OR1E2: variants seen among roughly 807,000 people sequenced by gnomAD.
The protein encoded by OR1E2 is olfactory receptor family 1 subfamily E member 2, also known as olfactory receptor 1E2.
Under a neutral mutation model 5.6 loss-of-function variants are expected in OR1E2, and 6 were observed. That is an observed-to-expected ratio of 1.08 (90% CI 0.59 to 2.12). The LOEUF is 2.12. Among genes scored for constraint, OR1E2 ranks in the 30% most tolerant of loss-of-function variants. The pLI, the probability that OR1E2 is intolerant of heterozygous loss-of-function variation, is 0.00. For missense variants in OR1E2, 344 were observed against 391.4 expected, an observed-to-expected ratio of 0.88 and a Z score of 1.02; for synonymous variants, 135 against 157.4, an observed-to-expected ratio of 0.86 and a Z score of 1.06.
rs1436673112 is a variant in OR1E2, at chr17:3,432,913, A to T, written c.929T>A (p.Leu310Gln). 6.2e-7 allele frequency: 1 copy of T among 1,613,126 alleles called. No homozygotes were observed. Among genetic ancestry groups the T allele is most frequent in the African/African-American group, 1.3e-5 (1 of 74,890 alleles). The change falls in exon 1 of 1, where the codon CTG becomes CAG. Residue 310 changes from leucine to glutamine, a missense_variant. Transcript: ENST00000248384. ...TTTCCTTTTACAAATGACCCTTTCC[A>T]GGGCTCCCTTCATGTCTCTGTTCCT... The part of the protein sequence containing the change: ...SLRNRDMKGA[L>Q]ERVICKRKNP...
chr17:3,433,257 C>A lies in OR1E2; in HGVS notation c.585G>T (p.Lys195Asn). The A allele has an allele frequency of 6.2e-7, 1 of 1,614,068 alleles. No homozygotes were observed. The highest frequency in any genetic ancestry group is 2.2e-5 in the East Asian group (1 of 44,882). Residue 195 changes from lysine (K) to asparagine (N), a missense_variant, in exon 1 of 1, where the codon AAG becomes AAT. Physicochemically the swap from Lys to Asn is moderately conservative, Grantham distance 94 (BLOSUM62 0). Coordinates refer to ENST00000248384, the MANE Select transcript of OR1E2 (RefSeq NM_003554.2). ...HFFCDMSALL[K>N]LACSDTRVNE... ...TAACTCGAGTGTCAGAGCAGGCCAG[C>A]TTCAGCAGAGCAGACATATCACAGA... is the stretch of plus-strand genomic sequence containing the variant.
rs769965420 is a variant in OR1E2, at chr17:3,432,893, T to C, written c.949A>G (p.Arg317Gly). The C allele has an allele frequency of 3.6e-5, 58 of 1,609,868 alleles. No individual in the cohort carries two copies. Among genetic ancestry groups the C allele is most frequent in the Non-Finnish European group, 4.8e-5 (56 of 1,178,396 alleles). Residue 317 changes from arginine (R) to glycine (G), a missense_variant, in exon 1 of 1, where the codon AGG becomes GGG. Transcript: ENST00000248384. Reference sequence around the variant, plus strand: ...TGTCATAGAAGGAAGGGATTTTTCCTTTTACAAATGACCCTTTCCAGGGCT... The same window carrying C: ...TGTCATAGAAGGAAGGGATTTTTCCCTTTACAAATGACCCTTTCCAGGGCT... ...KGALERVICK[R>G]KNPFLL
rs563360972 is a variant in OR1E2, at chr17:3,433,697, T to G, written c.145A>C (p.Ile49Leu). 1.2e-6 allele frequency: 2 copies of G among 1,614,056 alleles called. No homozygotes were observed. The highest frequency in any genetic ancestry group is 1.7e-6 in the Non-Finnish European group (2 of 1,180,000). Residue 49 changes from isoleucine to leucine, a missense_variant, in exon 1 of 1, where the codon ATT becomes CTT. Coordinates refer to ENST00000248384, the MANE Select transcript of OR1E2 (RefSeq NM_003554.2). ...GTGTGGAGATGGGAGTCCAGTCGAA[T>G]GAGGACAATGATGAGGAGGTTCCCC... ...LLGNLLIIVLIRLDSHLHTPV... is the reference protein window; with the variant it reads ...LLGNLLIIVLLRLDSHLHTPV...
chr17:3,433,389 G>A lies in OR1E2; in HGVS notation c.453C>T (p.Leu151=), dbSNP rs778602116. ...YTAIMSPMLC[L]SVVALSWVLT... ...GCACCCAGGACAGCGCCACCACGGAGAGACAGAGCATGGGGCTCATGATGG... is the reference window on the plus strand; with the variant it reads ...GCACCCAGGACAGCGCCACCACGGAAAGACAGAGCATGGGGCTCATGATGG... Residue 151 remains leucine, a synonymous_variant, in exon 1 of 1, where the codon CTC becomes CTT. Coordinates refer to ENST00000248384, the MANE Select transcript of OR1E2 (RefSeq NM_003554.2). 3.1e-6 allele frequency: 5 copies of A among 1,614,068 alleles called. No homozygotes were observed. In the African/African-American group the frequency reaches 6.7e-5, roughly 22 times the overall value.
Position 3,432,914 on chromosome 17 carries a change from G to C in OR1E2, c.928C>G (p.Leu310Val). Residue 310 changes from leucine to valine, a missense_variant, in exon 1 of 1, where the codon CTG becomes GTG. Coordinates refer to ENST00000248384, the MANE Select transcript of OR1E2 (RefSeq NM_003554.2). Reference sequence around the variant, plus strand: ...TTCCTTTTACAAATGACCCTTTCCAGGGCTCCCTTCATGTCTCTGTTCCTC... The same window carrying C: ...TTCCTTTTACAAATGACCCTTTCCACGGCTCCCTTCATGTCTCTGTTCCTC... ...SLRNRDMKGA[L>V]ERVICKRKNP... 6.2e-7 allele frequency: 1 copy of C among 1,613,218 alleles called. No homozygotes were observed. Among genetic ancestry groups the C allele is most frequent in the Non-Finnish European group, 8.5e-7 (1 of 1,179,608 alleles).
Position 3,433,077 on chromosome 17 carries a change from A to G in OR1E2, c.765T>C (p.Ser255=). 6.2e-7 allele frequency: 1 copy of G among 1,613,878 alleles called. No individual in the cohort carries two copies. Among genetic ancestry groups the G allele is most frequent in the East Asian group, 2.2e-5 (1 of 44,858 alleles). Residue 255 remains serine (S), a synonymous_variant, in exon 1 of 1, where the codon TCT becomes TCC. Coordinates refer to ENST00000248384, the MANE Select transcript of OR1E2 (RefSeq NM_003554.2). ...CGGTCCCATAGAACAGTGACACCAC[A>G]GAGAGGTGGGAGCCACAAGTAGAGA... The part of the protein sequence containing the change: ...KAFSTCGSHL[S]VVSLFYGTVI...
chr17:3,433,524 A>T lies in OR1E2; in HGVS notation c.318T>A (p.Tyr106Ter). 4 of 1,614,188 alleles carry T rather than the reference A, an allele frequency of 2.5e-6. No homozygotes were observed. The highest frequency in any genetic ancestry group is 3.4e-6 in the Non-Finnish European group (4 of 1,180,042). ...GGAGGAAGCTCTCTAGATCCGAAAA[A>T]TACAAGAAGAAGTACATTTGGGTCA... ...DCLTQMYFFL[Y>*]FSDLESFLLV... The change falls in exon 1 of 1, where the codon TAT (tyrosine) becomes TAA (stop). Residue 106 changes from tyrosine to a stop codon, truncating the protein, a stop_gained. Transcript: ENST00000248384. LOFTEE classifies it high-confidence loss of function.
In OR1E2 at chr17:3,433,644, C is replaced by A. The variant is rs766229815; in HGVS notation, c.198G>T (p.Leu66Phe). The change falls in exon 1 of 1, where the codon TTG becomes TTT. Residue 66 changes from leucine to phenylalanine, a missense_variant. By Grantham distance (22) the Leu-to-Phe change is conservative. Coordinates refer to ENST00000248384, the MANE Select transcript of OR1E2 (RefSeq NM_003554.2). ...AGGAAAAGCAGAGGTCAGAGAAGGA[C>A]AAGTTGCTGAGAAACAAATACACAG... Reference protein sequence around the residue: ...HTPVYLFLSNLSFSDLCFSSV... With the variant: ...HTPVYLFLSNFSFSDLCFSSV... 6.2e-7 allele frequency: 1 copy of A among 1,614,164 alleles called. No individual in the cohort carries two copies. The highest frequency in any genetic ancestry group is 8.5e-7 in the Non-Finnish European group (1 of 1,180,040).
rs776209078 is a variant in OR1E2, at chr17:3,433,349, C to T, written c.493G>A (p.Ala165Thr). ...GCCATGAGTAAAGTGTGTAACATGG[C>T]ATGGAAGGTGGTCAGCACCCAGGAC... Reference protein sequence around the residue: ...ALSWVLTTFHAMLHTLLMARL... With the variant: ...ALSWVLTTFHTMLHTLLMARL... Residue 165 changes from alanine (A) to threonine (T), a missense_variant, in exon 1 of 1, where the codon GCC (alanine) becomes ACC (threonine). By Grantham distance (58) the Ala-to-Thr change is moderately conservative. Transcript: ENST00000248384. 9 of 1,613,978 alleles carry T rather than the reference C, an allele frequency of 5.6e-6. No homozygotes were observed. The highest frequency in any genetic ancestry group is 2.7e-5 in the African/African-American group (2 of 74,874).
chr17:3,433,129 G>C lies in OR1E2; in HGVS notation c.713C>G (p.Pro238Arg). ...ARIVSSILKV[P>R]SSKGICKAFS... Reference sequence around the variant, plus strand: ...GGCCTTGCAGATACCCTTAGAAGAAGGGACCTTGAGGATGGAGGAGACAAT... The same window carrying C: ...GGCCTTGCAGATACCCTTAGAAGAACGGACCTTGAGGATGGAGGAGACAAT... The change falls in exon 1 of 1, where the codon CCT (proline) becomes CGT (arginine). Residue 238 changes from proline to arginine, a missense_variant. Coordinates refer to ENST00000248384, the MANE Select transcript of OR1E2 (RefSeq NM_003554.2). 6.2e-7 allele frequency: 1 copy of C among 1,613,888 alleles called. No homozygotes were observed. The highest frequency in any genetic ancestry group is 8.5e-7 in the Non-Finnish European group (1 of 1,179,870).
In OR1E2 at chr17:3,432,999, A is replaced by C; in HGVS notation, c.843T>G (p.Thr281=). Residue 281 remains threonine (T), a synonymous_variant, in exon 1 of 1, where the codon ACT becomes ACG. Coordinates refer to ENST00000248384, the MANE Select transcript of OR1E2 (RefSeq NM_003554.2). ...CCACAGTGTACATCATAGCCATGAC[A>C]GTGTCCTTTAGAGTAGAACTATTAG... is the stretch of plus-strand genomic sequence containing the variant. ...PSANSSTLKD[T]VMAMMYTVVT... The C allele has an allele frequency of 1.9e-6, 3 of 1,614,086 alleles. No homozygotes were observed. Among genetic ancestry groups the C allele is most frequent in the Non-Finnish European group, 2.5e-6 (3 of 1,179,992 alleles).
rs1274880982 is a variant in OR1E2 at position 3,433,176 on chromosome 17, G to C, written c.666C>G (p.Leu222=). The change falls in exon 1 of 1, where the codon CTC becomes CTG. Residue 222 remains leucine (L), a synonymous_variant. Transcript: ENST00000248384. ...GGLILVIPFL[L]ILGSYARIVS... is the part of the protein sequence containing the mutation. ...CAATTCTTGCATAGGACCCAAGGAT[G>C]AGTAGGAATGGGATGACAAGAATGA... 4 of 1,613,958 alleles carry C rather than the reference G, an allele frequency of 2.5e-6. No individual in the cohort carries two copies. In the East Asian group the frequency reaches 8.9e-5, roughly 36 times the overall value.
At position 3,433,689 on chromosome 17, in the gene OR1E2, C is replaced by T; in HGVS notation, c.153G>A (p.Leu51=). The T allele has an allele frequency of 1.2e-6, 2 of 1,614,102 alleles. No homozygotes were observed. The highest frequency in any genetic ancestry group is 1.7e-6 in the Non-Finnish European group (2 of 1,180,022). Residue 51 remains leucine (L), a synonymous_variant, in exon 1 of 1, where the codon CTG becomes CTA. Coordinates refer to ENST00000248384, the MANE Select transcript of OR1E2 (RefSeq NM_003554.2). ...ACACAGGCGTGTGGAGATGGGAGTCCAGTCGAATGAGGACAATGATGAGGA... is the reference window on the plus strand; with the variant it reads ...ACACAGGCGTGTGGAGATGGGAGTCTAGTCGAATGAGGACAATGATGAGGA... ...GNLLIIVLIR[L]DSHLHTPVYL... is the part of the protein sequence containing the mutation.
Position 3,432,891 on chromosome 17 carries a change from C to G in OR1E2, c.951G>C (p.Arg317Ser). The G allele has an allele frequency of 6.2e-7, 1 of 1,605,348 alleles. No homozygotes were observed. Among genetic ancestry groups the G allele is most frequent in the Non-Finnish European group, 8.5e-7 (1 of 1,177,032 alleles). The change falls in exon 1 of 1, where the codon AGG (arginine) becomes AGC (serine). Residue 317 changes from arginine to serine, a missense_variant. Physicochemically the swap from Arg to Ser is moderately radical, Grantham distance 110. Coordinates refer to ENST00000248384, the MANE Select transcript of OR1E2 (RefSeq NM_003554.2). The stretch of plus-strand genomic sequence containing the variant: ...ACTGTCATAGAAGGAAGGGATTTTT[C>G]CTTTTACAAATGACCCTTTCCAGGG... ...KGALERVICK[R>S]KNPFLL
rs1306126502 is a variant in OR1E2 at position 3,433,425 on chromosome 17, C to G, written c.417G>C (p.Leu139=). 5 of 1,610,078 alleles carry G rather than the reference C, an allele frequency of 3.1e-6. No individual in the cohort carries two copies. Among genetic ancestry groups the G allele is most frequent in the Non-Finnish European group, 4.2e-6 (5 of 1,179,742 alleles). Residue 139 remains leucine, a synonymous_variant, in exon 1 of 1, where the codon CTG becomes CTC. Transcript: ENST00000248384. ...PMHYTAICFL[L]HYTAIMSPML... ...TGGGGCTCATGATGGCGGTGTAGTG[C>G]AGGAGGAAGCAGATGGCGGTGTAGT...
chr17:3,433,150 A>G lies in OR1E2; in HGVS notation c.692T>C (p.Val231Ala), dbSNP rs1406447090. ...LLILGSYARI[V>A]SSILKVPSSK... ...AGAAGGGACCTTGAGGATGGAGGAG[A>G]CAATTCTTGCATAGGACCCAAGGAT... is the stretch of plus-strand genomic sequence containing the variant. Residue 231 changes from valine (V) to alanine (A), a missense_variant, in exon 1 of 1, where the codon GTC (valine) becomes GCC (alanine). Val to Ala is a moderately conservative substitution (Grantham distance 64). Transcript: ENST00000248384. 1.9e-6 allele frequency: 3 copies of G among 1,613,910 alleles called. No homozygotes were observed.
rs752737515 is a variant in OR1E2, at chr17:3,433,660, A to G, written c.182T>C (p.Leu61Ser). The G allele has an allele frequency of 2.5e-6, 4 of 1,614,236 alleles. No homozygotes were observed. Among genetic ancestry groups the G allele is most frequent in the South Asian group, 1.1e-5 (1 of 91,082 alleles). ...AGAGAAGGACAAGTTGCTGAGAAAC[A>G]AATACACAGGCGTGTGGAGATGGGA... ...LDSHLHTPVY[L>S]FLSNLSFSDL... The change falls in exon 1 of 1, where the codon TTG becomes TCG. Residue 61 changes from leucine to serine, a missense_variant. Transcript: ENST00000248384.
chr17:3,433,443 G>A lies in OR1E2; in HGVS notation c.399C>T (p.Thr133=), dbSNP rs758330792. 24 of 1,612,460 alleles carry A rather than the reference G, an allele frequency of 1.5e-5. No individual in the cohort carries two copies. The highest frequency in any genetic ancestry group is 2.2e-5 in the East Asian group (1 of 44,866). ...YVAICFPMHY[T]AICFLLHYTA... ...TGTAGTGCAGGAGGAAGCAGATGGC[G>A]GTGTAGTGCATGGGGAAGCAGATGG... The change falls in exon 1 of 1, where the codon ACC becomes ACT. Residue 133 remains threonine, a synonymous_variant. Transcript: ENST00000248384.
rs771244786 is a variant in OR1E2, at chr17:3,433,572, T to C, written c.270A>G (p.Pro90=). 3.1e-6 allele frequency: 5 copies of C among 1,613,998 alleles called. No homozygotes were observed. Among genetic ancestry groups the C allele is most frequent in the Admixed American group, 1.7e-5 (1 of 60,008 alleles). ...KLLQNMQNQD[P]SIPYADCLTQ... is the part of the protein sequence containing the mutation. ...TCAGGCAGTCTGCATAGGGGATGGATGGGTCTTGGTTCTGCATGTTCTGCA... is the reference window on the plus strand; with the variant it reads ...TCAGGCAGTCTGCATAGGGGATGGACGGGTCTTGGTTCTGCATGTTCTGCA... The change falls in exon 1 of 1, where the codon CCA becomes CCG. Residue 90 remains proline, a synonymous_variant. Transcript: ENST00000248384.
Sources: gnomAD v4.1 joint callset for allele counts on GRCh38, gnomAD v4.1.1 for gene constraint, MANE v1.5 for transcripts, NCBI Gene and HGNC (gene_info 2026-07-23, HGNC 2026-07-21) for gene names.